MICAL1: variants seen among roughly 807,000 people sequenced by gnomAD.
MICAL1 encodes the protein [F-actin]-monooxygenase MICAL1.
Under a neutral mutation model 131.8 loss-of-function variants are expected in MICAL1, and 95 were observed. The observed-to-expected ratio is 0.72, with a 90% CI of 0.61 to 0.86. The LOEUF (loss-of-function observed/expected upper bound fraction) is 0.86. Ranked by LOEUF, MICAL1 falls within the 40% of genes least tolerant of loss-of-function variation. MICAL1 has a pLI of 0.00. For missense variants in MICAL1, 1,292 were observed against 1,380.6 expected, an observed-to-expected ratio of 0.94 and a Z score of 1.02; for synonymous variants, 546 against 554.2, an observed-to-expected ratio of 0.99 and a Z score of 0.21.
At chr6:109,448,158 C>T in intron 13 of MICAL1, 45 bp downstream of exon 13, 1 of 1,585,964 alleles carries the variant, frequency 6.3e-7, no homozygotes, top group South Asian at 1.1e-5. Context: ...CACACACACA[C>T]ACCTCCCCAT....
At chr6:109,453,397 A>G in intron 3 of MICAL1, 30 bp from the exon 4 acceptor site, 1 of 1,603,264 alleles carries the variant, frequency 6.2e-7, no homozygotes, top group Non-Finnish European at 8.5e-7. Flanking sequence ...AGGAACAGGG[A>G]CCCTAGGGCA....
At chr6:109,453,886 G>A (rs200574195) in intron 2 of MICAL1, 41 bp from the exon 3 acceptor site, 41 of 1,610,228 alleles carry the variant, frequency 2.5e-5, no homozygotes, top group Middle Eastern at 1.7e-4. Context: ...CATCCTGTCC[G>A]TCCTCTGACT....
chr6:109,461,916 T>C (rs1259465075), intron 1 of MICAL1, among the ~76,000 whole-genome samples: 1 of 152,162 alleles, frequency 6.6e-6, no homozygotes, highest in Non-Finnish European at 1.5e-5. Flanking sequence ...CATGTTCTCA[T>C]CTGTCCAATA....
chr6:109,455,966 C>T, upstream of MICAL1: 1 of 985,550 alleles, frequency 1.0e-6, no homozygotes, highest in Middle Eastern at 5.2e-4. This position sits in a 1 kb window ranked among gnomAD's most constrained non-coding sequence, Gnocchi z 4.7. Context: ...CCTCTACCGC[C>T]TCCAGCGGGG....
chr6:109,446,620 C>A (rs1185113845), intron 18 of MICAL1, 76 bp downstream of exon 18: 10 of 1,506,162 alleles, frequency 6.6e-6, no homozygotes, highest in East Asian at 2.3e-5. Flanking sequence ...TCAGTTACCC[C>A]CAGCAAAGCG....
rs1348199045 is a variant in MICAL1, at chr6:109,444,138, G to A, written c.*53C>T. 1.6e-5 allele frequency: 26 copies of A among 1,593,058 alleles called. No individual in the cohort carries two copies. The highest frequency in any genetic ancestry group is 2.1e-5 in the Non-Finnish European group (25 of 1,173,126). On this transcript the variant is annotated 3_prime_UTR_variant, in exon 25 of 25. Transcript: ENST00000358807. ...CCCAGATGAACAGGGGTGGCACTGTGCTGGGGTGAGGTGCTTTCTTTGTGG... is the reference window on the plus strand; with the variant it reads ...CCCAGATGAACAGGGGTGGCACTGTACTGGGGTGAGGTGCTTTCTTTGTGG...
chr6:109,461,174 C>T (rs1582662162), intron 1 of MICAL1, among the ~76,000 whole-genome samples: 1 of 130,830 alleles, frequency 7.6e-6, no homozygotes, highest in East Asian at 2.4e-4. Context: ...TCTCATTGTT[C>T]AATTCCCATC....
chr6:109,446,734 GGTCT>G lies in MICAL1; in HGVS notation c.2262_2265del (p.Asp755ThrfsTer148), dbSNP rs756585200. On this transcript the variant is annotated frameshift_variant, in exon 18 of 25. Coordinates refer to ENST00000358807, the MANE Select transcript of MICAL1 (RefSeq NM_022765.4). LOFTEE classifies it high-confidence loss of function. ...CCTCTATCGCTGCCTTCCGCTTTGT[GGTCT>G]GTCTGGGGCAGGTGCTGGAGGCAGT... is the stretch of plus-strand genomic sequence containing the variant. The G allele has an allele frequency of 1.9e-6, 3 of 1,613,800 alleles. No individual in the cohort carries two copies. Among genetic ancestry groups the G allele is most frequent in the Non-Finnish European group, 2.5e-6 (3 of 1,179,906 alleles).
In MICAL1 at chr6:109,447,395, G is replaced by A; in HGVS notation, c.2032C>T (p.Pro678Ser). ...PSTEVPPDPE[P>S]GVPLTPPSQH... ...GATGGGGGTGTCAGGGGTACACCAG[G>A]CTCTGGGTCAGGTGGCACCTCAGTA... Residue 678 changes from proline to serine, a missense_variant, in exon 16 of 25, where the codon CCT becomes TCT. Physicochemically the swap from Pro to Ser is moderately conservative, Grantham distance 74. Transcript: ENST00000358807. 6.2e-7 allele frequency: 1 copy of A among 1,613,610 alleles called. No individual in the cohort carries two copies. The highest frequency in any genetic ancestry group is 8.5e-7 in the Non-Finnish European group (1 of 1,179,864).
chr6:109,465,381 C>A (rs1776008390), intron 1 of MICAL1: 2 of 468,294 alleles, frequency 4.3e-6, no homozygotes, highest in Non-Finnish European at 7.6e-6. Flanking sequence ...CATATTTAGC[C>A]CTGACTTGTC....
rs1775190782 is a variant in MICAL1, at chr6:109,445,832, T to C, written c.2612A>G (p.Glu871Gly). The C allele has an allele frequency of 2.5e-6, 4 of 1,609,616 alleles. No individual in the cohort carries two copies. Among genetic ancestry groups the C allele is most frequent in the Middle Eastern group, 1.7e-4 (1 of 5,898 alleles). ...TTCCTCTTCACTGGAGAAGGGACTCTCTTTTTCCTCCTTCTCCATGGCCAC... is the reference window on the plus strand; with the variant it reads ...TTCCTCTTCACTGGAGAAGGGACTCCCTTTTTCCTCCTTCTCCATGGCCAC... ...ALVAMEKEEK[E>G]SPFSSEEEEE... The change falls in exon 20 of 25, where the codon GAG (glutamate) becomes GGG (glycine). Residue 871 changes from glutamate (E) to glycine (G), a missense_variant. Physicochemically the swap from Glu to Gly is moderately conservative, Grantham distance 98. Transcript: ENST00000358807.
chr6:109,445,010 G>T lies in MICAL1; in HGVS notation c.2882-15C>A. The T allele has an allele frequency of 6.2e-7, 1 of 1,612,362 alleles. No individual in the cohort carries two copies. Among genetic ancestry groups the T allele is most frequent in the Non-Finnish European group, 8.5e-7 (1 of 1,179,598 alleles). On this transcript the variant is annotated splice_polypyrimidine_tract_variant and intron_variant, in intron 22 of 24. Coordinates refer to ENST00000358807, the MANE Select transcript of MICAL1 (RefSeq NM_022765.4). ...TTCTGGGGAACCTGAGAAGAAGGAA[G>T]ATGGGTAGGGTGATCAGGAGGCTTC...
Position 109,455,646 on chromosome 6 carries a change from T to C in MICAL1, c.-44+73A>G, listed in dbSNP as rs905864202. On this transcript the variant is annotated intron_variant, in intron 1 of 24. Transcript: ENST00000358807. The surrounding 1 kb of genome is among the most constrained non-coding windows in gnomAD (Gnocchi z 4.7). ...TGGTTCCCGAGCGACCGCAGCTGCG[T>C]TTCCCCGGAAGCGCACCCCACCTCA... 5.1e-5 allele frequency: 48 copies of C among 941,400 alleles called. No individual in the cohort carries two copies. In the Admixed American group the frequency reaches 2.2e-3, roughly 42 times the overall value. 58.3% of individuals were successfully genotyped at this position (941,400 alleles called of 1,614,324 possible). A position where few individuals can be genotyped will look rare whatever the true frequency, so the allele number is the denominator to read the frequency against.
rs371395333 is a variant in MICAL1, at chr6:109,453,779, G to A, written c.325C>T (p.Arg109Ter). The change falls in exon 3 of 25, where the codon CGA (arginine) becomes TGA (stop). Residue 109 changes from arginine to a stop codon, truncating the protein, a stop_gained. Transcript: ENST00000358807. LOFTEE classifies it high-confidence loss of function. Reference sequence around the variant, plus strand: ...GTGCGCTTTTCCACCAGCACCACTCGGGCCCCCAGCAGCGCCAGCTCCACA... The same window carrying A: ...GTGCGCTTTTCCACCAGCACCACTCAGGCCCCCAGCAGCGCCAGCTCCACA... ...VAVELALLGA[R>*]VVLVEKRTKF... 19 of 1,613,570 alleles carry A rather than the reference G, an allele frequency of 1.2e-5. No individual in the cohort carries two copies. The highest frequency in any genetic ancestry group is 1.0e-4 in the Admixed American group (6 of 60,010).
chr6:109,445,945 C>G (rs772383226), intron 19 of MICAL1, 83 bp from the exon 20 acceptor site: 225 of 1,538,484 alleles, frequency 1.5e-4, no homozygotes, highest in Non-Finnish European at 1.7e-4. Flanking sequence ...GACGGAGGCC[C>G]TGCAAGTCTG....
intron 7 of MICAL1, among the ~76,000 whole-genome samples, chr6:109,451,176 CAG>C (rs201965896): frequency 0.023 from 3,249 of 138,598 alleles, 69 homozygotes; most frequent in Non-Finnish European, 0.034. Flanking sequence ...TTTTTTGAGA[CAG>C]AGTTTCACTT....
chr6:109,447,695 T>G lies in MICAL1; in HGVS notation c.1972A>C (p.Lys658Gln), dbSNP rs542113479. Residue 658 changes from lysine to glutamine, a missense_variant, in exon 15 of 25, where the codon AAG (lysine) becomes CAG (glutamine). Transcript: ENST00000358807. ...CCTGCATTCACCTCCAAGCGCAGCT[T>G]CTTGCCACCAGCATCCTCTGCATTT... ...KENAEDAGGK[K>Q]LRLEMEAETP... The G allele has an allele frequency of 1.9e-6, 3 of 1,614,034 alleles. No individual in the cohort carries two copies. The highest frequency in any genetic ancestry group is 2.2e-5 in the East Asian group (1 of 44,864).
intron 18 of MICAL1, 46 bp downstream of exon 18, chr6:109,446,650 T>G (rs1775235193): frequency 6.3e-7 from 1 of 1,589,706 alleles, no homozygotes; most frequent in African/African-American, 1.3e-5. Context: ...CGAGACCCTC[T>G]TCCTCTTCCC....
At chr6:109,460,571 T>C (rs1227014668), upstream of MICAL1, among the ~76,000 whole-genome samples, 1 of 150,058 alleles carries the variant, frequency 6.7e-6, no homozygotes, top group African/African-American at 2.5e-5. Context: ...CTAAAGTCTT[T>C]TGCTGCTTAA....
Sources: allele counts gnomAD v4.1 joint callset (sites outside exome capture counted in the v4.1 genomes callset), GRCh38; gene constraint gnomAD v4.1.1; non-coding constraint Gnocchi (gnomAD v3.1); transcripts MANE v1.5; gene names NCBI Gene and HGNC (gene_info 2026-07-23, HGNC 2026-07-21).